Variants in FGD1 observed in about 807,000 individuals in gnomAD.
The protein encoded by FGD1 is FYVE, RhoGEF and PH domain containing 1, also known as FYVE, RhoGEF and PH domain-containing protein 1.
In FGD1, 12 loss-of-function variants were observed where a neutral mutation model predicts 65.0. The observed-to-expected ratio is 0.18, with a 90% CI of 0.12 to 0.30. The LOEUF (loss-of-function observed/expected upper bound fraction) is 0.30. FGD1 is among the 10% of genes least tolerant of loss of function. The pLI, the probability that FGD1 is intolerant of heterozygous loss-of-function variation, is 1.00. For synonymous variants in FGD1, 333 were observed against 343.9 expected (o/e 0.97, Z 0.35); for missense variants, 542 against 837.6 (o/e 0.65, Z 4.36).
intron 4 of FGD1, among the ~76,000 whole-genome samples, chrX:54,469,528 A>AT (rs1452061912): frequency 2.7e-5 from 3 of 112,287 alleles, no homozygotes. Flanking sequence ...TATAAAACTC[A>AT]TTGCCTGTTG....
chrX:54,458,024 G>A (rs1922544290), intron 8 of FGD1, among the ~76,000 whole-genome samples: 1 of 112,028 alleles, frequency 8.9e-6, no homozygotes, highest in African/African-American at 3.2e-5. Context: ...TTTCCTAAGA[G>A]GCTCTCTCTT....
At chrX:54,463,332 A>G (rs1922681146) in intron 8 of FGD1, among the ~76,000 whole-genome samples, 1 of 111,575 alleles carries the variant, frequency 9.0e-6, no homozygotes, top group Non-Finnish European at 1.9e-5. Flanking sequence ...AAAAACCTTT[A>G]AGTCATTCCT....
intron 1 of FGD1, among the ~76,000 whole-genome samples, chrX:54,491,845 T>C (rs1478696938): frequency 9.0e-6 from 1 of 110,646 alleles, no homozygotes; most frequent in Non-Finnish European, 1.9e-5. Flanking sequence ...ATTCTTACTC[T>C]TGGAGACTCT....
At position 54,471,461 on chromosome X, in the gene FGD1, C is replaced by G. The variant is rs771489547; in HGVS notation, c.334G>C (p.Val112Leu). The G allele has an allele frequency of 1.7e-6, 2 of 1,210,095 alleles. No individual in the cohort carries two copies. The highest frequency in any genetic ancestry group is 2.2e-6 in the Non-Finnish European group (2 of 895,253). ...CCAGGGTCAAGGGACAAACTTTTAA[C>G]CAGGATCCGGTTTCCCTGGTGCAGC... is the stretch of plus-strand genomic sequence containing the variant. ...PGLHQGNRIL[V>L]KSLSLDPGQS... The change falls in exon 2 of 18, where the codon GTT becomes CTT. Residue 112 changes from valine to leucine, a missense_variant. Transcript: ENST00000375135.
At position 54,449,160 on chromosome X, in the gene FGD1, A is replaced by C. The variant is rs398124163; in HGVS notation, c.2257T>G (p.Cys753Gly). 8.3e-7 allele frequency: 1 copy of C among 1,211,886 alleles called. No individual in the cohort carries two copies. The highest frequency in any genetic ancestry group is 1.1e-6 in the Non-Finnish European group (1 of 895,415). The change falls in exon 15 of 18, where the codon TGC (cysteine) becomes GGC (glycine). Residue 753 changes from cysteine to glycine, a missense_variant. Cys to Gly is a radical substitution (Grantham distance 159, BLOSUM62 -3). Transcript: ENST00000375135. ...ACACTCACATGCCCGCAGGCCTTGC[A>C]GTGGTGCCTGCGTTTGGTGATAGAA... ...FNSITKRRHHCKACGHVVCGK... is the reference protein window; with the variant it reads ...FNSITKRRHHGKACGHVVCGK...
In FGD1 at chrX:54,446,243, G is replaced by A; in HGVS notation, c.2752C>T (p.Arg918Trp). 1 of 1,211,967 alleles carries A rather than the reference G, an allele frequency of 8.3e-7. No individual in the cohort carries two copies. The highest frequency in any genetic ancestry group is 1.1e-6 in the Non-Finnish European group (1 of 895,515). ...LQRRWMAVLG[R>W]AGRGDTFCPG... The stretch of plus-strand genomic sequence containing the variant: ...CAGAACGTGTCCCCTCGGCCCGCCC[G>A]GCCAAGCACAGCCATCCAGCGTCGC... The change falls in exon 18 of 18, where the codon CGG becomes TGG. Residue 918 changes from arginine (R) to tryptophan (W), a missense_variant. Coordinates refer to ENST00000375135, the MANE Select transcript of FGD1 (RefSeq NM_004463.3).
chrX:54,451,893 C>CA (rs1356461824), intron 12 of FGD1, among the ~76,000 whole-genome samples: 2 of 107,780 alleles, frequency 1.9e-5, no homozygotes, highest in African/African-American at 3.4e-5. Context: ...AACTGCGACT[C>CA]AAAAAAAAGA....
At chrX:54,483,516 C>T (rs984656879) in intron 1 of FGD1, among the ~76,000 whole-genome samples, 13 of 112,547 alleles carry the variant, frequency 1.2e-4, no homozygotes, top group African/African-American at 2.3e-4. Flanking sequence ...CTTCCCTCCG[C>T]GATTTAACCC....
chrX:54,491,187 T>C (rs1923406543), intron 1 of FGD1, among the ~76,000 whole-genome samples: 1 of 111,574 alleles, frequency 9.0e-6, no homozygotes, highest in African/African-American at 3.3e-5. Flanking sequence ...CTTACCTGAA[T>C]TGTCCTCCAT....
rs1922747119 is a variant in FGD1, at chrX:54,465,838, C to T, written c.1355G>A (p.Arg452His). 2 of 1,209,560 alleles carry T rather than the reference C, an allele frequency of 1.7e-6. No homozygotes were observed. Among genetic ancestry groups the T allele is most frequent in the African/African-American group, 1.8e-5 (1 of 57,048 alleles). Reference sequence around the variant, plus strand: ...CAGTTTCTGCAGGATGTCTCCAATGCGTGGATAGCGGTCCCTGGGGTGGAA... The same window carrying T: ...CAGTTTCTGCAGGATGTCTCCAATGTGTGGATAGCGGTCCCTGGGGTGGAA... Reference protein sequence around the residue: ...KRMEEWDRYPRIGDILQKLAP... With the variant: ...KRMEEWDRYPHIGDILQKLAP... Residue 452 changes from arginine to histidine, a missense_variant, in exon 7 of 18, where the codon CGC (arginine) becomes CAC (histidine). By Grantham distance (29) the Arg-to-His change is conservative. This residue lies in a region of FGD1 where 41 missense variants were observed against 109.5 expected (regional missense o/e 0.37). Coordinates refer to ENST00000375135, the MANE Select transcript of FGD1 (RefSeq NM_004463.3).
chrX:54,450,660 G>A (rs1410233917), intron 12 of FGD1, among the ~76,000 whole-genome samples: 1 of 111,289 alleles, frequency 9.0e-6, no homozygotes, highest in African/African-American at 3.3e-5. Flanking sequence ...TGAAGTTTGG[G>A]TGAGGACTTT....
chrX:54,450,370 G>A, intron 12 of FGD1, 69 bp from the exon 13 acceptor site: 2 of 1,067,459 alleles, frequency 1.9e-6, no homozygotes, highest in Non-Finnish European at 2.6e-6. Context: ...AGGAGTGGAA[G>A]AGCAGGTGTT....
chrX:54,481,476 GAGCTATT>G (rs1923142372), intron 1 of FGD1, among the ~76,000 whole-genome samples: 1 of 97,228 alleles, frequency 1.0e-5, no homozygotes, highest in South Asian at 5.4e-4. Context: ...ATGATCCGGT[GAGCTATT>G]ACCCATTTTA....
Position 54,456,277 on chromosome X carries a change from G to A in FGD1, c.1785C>T (p.Gly595=). ...TCTTTGCTGACAGCTTAAGGATGTG[G>A]CCTTCTTTTATGAGCTCTTTGGTGG... The part of the protein sequence containing the change: ...VSPTKELIKE[G]HILKLSAKNG... The change falls in exon 10 of 18, where the codon GGC becomes GGT. Residue 595 remains glycine, a synonymous_variant. Transcript: ENST00000375135. 8.3e-7 allele frequency: 1 copy of A among 1,210,871 alleles called. No individual in the cohort carries two copies.
At chrX:54,483,846 C>A (rs1923213003) in intron 1 of FGD1, among the ~76,000 whole-genome samples, 1 of 111,682 alleles carries the variant, frequency 9.0e-6, no homozygotes, top group African/African-American at 3.3e-5. Context: ...CCAGCCAGGC[C>A]CCAAGTCCTT....
rs1196999933 is a variant in FGD1 at position 54,449,753 on chromosome X, T to G, written c.2054A>C (p.Asn685Thr). The change falls in exon 14 of 18, where the codon AAC (asparagine) becomes ACC (threonine). Residue 685 changes from asparagine (N) to threonine (T), a missense_variant. By Grantham distance (65) the Asn-to-Thr change is moderately conservative. Transcript: ENST00000375135. ...EEKKDWVQAI[N>T]STLLKHEQTL... ...CTGTTCATGCTTCAGGAGGGTGGAG[T>G]TGATGGCCTGGGGAGGAGGTGTAAG... 1 of 1,188,458 alleles carries G rather than the reference T, an allele frequency of 8.4e-7. No individual in the cohort carries two copies. The highest frequency in any genetic ancestry group is 2.2e-5 in the Admixed American group (1 of 45,419).
At chrX:54,467,710 G>A in intron 6 of FGD1, 74 bp downstream of exon 6, 3 of 1,053,794 alleles carry the variant, frequency 2.8e-6, no homozygotes, top group African/African-American at 1.8e-5. Context: ...ATGAAGTCTT[G>A]TGTACACCTC....
In FGD1 at chrX:54,473,963, GAC is replaced by G. The variant is rs374989649; in HGVS notation, c.308-2478_308-2477del. The stretch of plus-strand genomic sequence containing the variant: ...CATGCCACTGCACTCCAGCCTGGGC[GAC>G]AGAGACTCCATCTCAAAAAAAAAAT... On this transcript the variant is annotated intron_variant, in intron 1 of 17. Coordinates refer to ENST00000375135, the MANE Select transcript of FGD1 (RefSeq NM_004463.3). Among the ~76,000 whole-genome samples the G allele has an allele frequency of 4.8e-3, 531 of 109,514 alleles. 3 individuals are homozygous for G. Among genetic ancestry groups the G allele is most frequent in the African/African-American group, 0.016 (489 of 29,929 alleles).
At position 54,470,436 on chromosome X, in the gene FGD1, C is replaced by T. The variant is rs747927350; in HGVS notation, c.681G>A (p.Ser227=). The T allele has an allele frequency of 3.3e-6, 4 of 1,204,272 alleles. No homozygotes were observed. The highest frequency in any genetic ancestry group is 4.4e-5 in the Admixed American group (2 of 45,699). ...KFEREPVIVA[S]DRPVPGPSPG... ...GGCTGGGGCCAGGGACTGGTCTATC[C>T]GAGGCGACAATCACAGGCTCTCTGA... is the stretch of plus-strand genomic sequence containing the variant. The change falls in exon 4 of 18, where the codon TCG becomes TCA. Residue 227 remains serine (S), a synonymous_variant. Transcript: ENST00000375135.
Sources: gnomAD v4.1 joint callset for allele counts (sites outside exome capture counted in the v4.1 genomes callset) on GRCh38, gnomAD v4.1.1 for gene constraint, gnomAD v4.1.1 regional missense constraint, MANE v1.5 for transcripts, NCBI Gene and HGNC (gene_info 2026-07-23, HGNC 2026-07-21) for gene names.